The following PSMD14 variants were observed in gnomAD, a reference collection of about 807,000 sequenced individuals.
PSMD14 encodes proteasome 26S subunit, non-ATPase 14.
Under a neutral mutation model 41.2 loss-of-function variants are expected in PSMD14, and 7 were observed. The observed-to-expected ratio is 0.17, with a 90% CI of 0.10 to 0.32. The LOEUF is 0.32. Ranked by LOEUF, PSMD14 falls within the 10% of genes least tolerant of loss-of-function variation. PSMD14 has a pLI of 1.00. For missense variants in PSMD14, 139 were observed against 375.6 expected (o/e 0.37, Z 5.21); for synonymous variants, 114 against 122.3 (o/e 0.93, Z 0.45).
In PSMD14 at chr2:161,323,472, G is replaced by A. The variant is rs1682641125; in HGVS notation, c.48+4599G>A. Among the ~76,000 whole-genome samples the A allele has an allele frequency of 2.6e-5, 4 of 152,128 alleles. No homozygotes were observed. The South Asian group carries it at 8.3e-4, about 32-fold the overall frequency. ...AAGGCTAGGAGTTCAGGACCAGCCT[G>A]GCCAACATGGGGAAACCCCATCTCT... On this transcript the variant is annotated intron_variant, in intron 3 of 11. Transcript: ENST00000409682.
chr2:161,355,047 G>A (rs1173688210), intron 3 of PSMD14, among the ~76,000 whole-genome samples: 1 of 152,152 alleles, frequency 6.6e-6, no homozygotes, highest in Non-Finnish European at 1.5e-5. Flanking sequence ...AGAGGAGGTG[G>A]GTGAGGTAGG....
chr2:161,322,184 G>A (rs892803135), intron 3 of PSMD14, among the ~76,000 whole-genome samples: 3 of 152,170 alleles, frequency 2.0e-5, no homozygotes, highest in Middle Eastern at 3.4e-3. Context: ...AGATTATTAC[G>A]CAACAAAGAC....
chr2:161,332,539 A>G (rs1206271382), intron 3 of PSMD14, among the ~76,000 whole-genome samples: 1 of 152,224 alleles, frequency 6.6e-6, no homozygotes, highest in East Asian at 1.9e-4. Flanking sequence ...AAGTGCTTCC[A>G]TCTGTGAAAT....
chr2:161,360,234 G>A (rs1683270566), intron 3 of PSMD14, among the ~76,000 whole-genome samples: 1 of 146,564 alleles, frequency 6.8e-6, no homozygotes, highest in Non-Finnish European at 1.5e-5. Flanking sequence ...GTGTCCCCCA[G>A]ACTGGAGTGC....
At position 161,388,266 on chromosome 2, in the gene PSMD14, T is replaced by G. The variant is rs1293962465; in HGVS notation, c.570+2695T>G. On this transcript the variant is annotated intron_variant, in intron 8 of 11. Transcript: ENST00000409682. ...AGTTAAGCTATTTGGAAAACATTGT[T>G]TCAGTAATTACTGAACATATAAGTT... Among the ~76,000 whole-genome samples, 3 of 152,076 alleles carry G rather than the reference T, an allele frequency of 2.0e-5. No homozygotes were observed. The East Asian group carries it at 5.8e-4, about 29-fold the overall frequency.
At chr2:161,401,956 C>T (rs562385524) in intron 10 of PSMD14, among the ~76,000 whole-genome samples, 1 of 152,270 alleles carries the variant, frequency 6.6e-6, no homozygotes, top group South Asian at 2.1e-4. Flanking sequence ...TTCCTTATCT[C>T]TAAAATGAGG....
At chr2:161,339,375 T>A (rs1442566375) in intron 3 of PSMD14, among the ~76,000 whole-genome samples, 1 of 152,204 alleles carries the variant, frequency 6.6e-6, no homozygotes, top group Non-Finnish European at 1.5e-5. Flanking sequence ...TAATTTGCAT[T>A]TTCTGGATGA....
chr2:161,345,482 A>G (rs1399453443), intron 3 of PSMD14, among the ~76,000 whole-genome samples: 1 of 151,900 alleles, frequency 6.6e-6, no homozygotes, highest in Non-Finnish European at 1.5e-5. Context: ...ACCTCAAGCA[A>G]TCTGCCGACC....
At chr2:161,331,814 G>C (rs557628093) in intron 3 of PSMD14, among the ~76,000 whole-genome samples, 80 of 152,156 alleles carry the variant, frequency 5.3e-4, no homozygotes, top group Non-Finnish European at 1.0e-3. Context: ...GACTGATGCT[G>C]AGTACCTTCC....
intron 3 of PSMD14, among the ~76,000 whole-genome samples, chr2:161,336,362 C>T (rs755822677): frequency 9.2e-5 from 14 of 151,994 alleles, no homozygotes; most frequent in Non-Finnish European, 1.6e-4. Context: ...GCATATTGGT[C>T]GGAAACAAGG....
At chr2:161,326,699 C>T (rs1206267451) in intron 3 of PSMD14, among the ~76,000 whole-genome samples, 3 of 152,156 alleles carry the variant, frequency 2.0e-5, no homozygotes, top group Non-Finnish European at 1.5e-5. Flanking sequence ...CATATACACT[C>T]ATTCCTTAGT....
intron 8 of PSMD14, among the ~76,000 whole-genome samples, chr2:161,389,245 A>G (rs1683674134): frequency 6.6e-6 from 1 of 152,148 alleles, no homozygotes; most frequent in Admixed American, 6.6e-5. Context: ...ACCACCATGT[A>G]GGGTTGTGCA....
intron 7 of PSMD14, among the ~76,000 whole-genome samples, chr2:161,379,781 G>C (rs1683551004): frequency 6.6e-6 from 1 of 152,092 alleles, no homozygotes; most frequent in Non-Finnish European, 1.5e-5. Flanking sequence ...AGATTGGGTA[G>C]AAGAACCACA....
chr2:161,368,861 G>A (rs1466406788), intron 5 of PSMD14, among the ~76,000 whole-genome samples: 2 of 151,752 alleles, frequency 1.3e-5, no homozygotes, highest in East Asian at 3.9e-4. Flanking sequence ...TTAAAAATAA[G>A]CATTTAAAAT....
chr2:161,361,900 A>T (rs1252360810), intron 3 of PSMD14, among the ~76,000 whole-genome samples: 1 of 152,096 alleles, frequency 6.6e-6, no homozygotes, highest in African/African-American at 2.4e-5. Flanking sequence ...TTAACAAGGG[A>T]CTTTAATCCA....
At chr2:161,321,226 G>C (rs1437498760) in intron 3 of PSMD14, among the ~76,000 whole-genome samples, 1 of 152,162 alleles carries the variant, frequency 6.6e-6, no homozygotes, top group Admixed American at 6.5e-5. Flanking sequence ...TCACTTGCTG[G>C]TAAGTTTGTA....
chr2:161,408,940 C>T (rs1247714462), intron 11 of PSMD14, 41 bp downstream of exon 11: 29 of 1,500,356 alleles, frequency 1.9e-5, no homozygotes, highest in Non-Finnish European at 2.3e-5. Flanking sequence ...TGCATAATAA[C>T]ATGTTCTTAT....
chr2:161,370,214 G>A (rs1447856215), intron 6 of PSMD14, 37 bp downstream of exon 6: 4 of 1,387,312 alleles, frequency 2.9e-6, no homozygotes, highest in East Asian at 4.9e-5. Context: ...GAAATAATGG[G>A]AAATATTTAT....
chr2:161,373,658 C>G (rs1683468234), intron 7 of PSMD14, among the ~76,000 whole-genome samples: 1 of 151,852 alleles, frequency 6.6e-6, no homozygotes, highest in African/African-American at 2.4e-5. Context: ...ATGATTAGAT[C>G]AAGAATTAAA....
Sources: gnomAD v4.1 joint callset for allele counts (sites outside exome capture counted in the v4.1 genomes callset) on GRCh38, gnomAD v4.1.1 for gene constraint, MANE v1.5 for transcripts, NCBI Gene and HGNC (gene_info 2026-07-23, HGNC 2026-07-21) for gene names.